The following RND1 variants were observed in gnomAD, a reference collection of about 807,000 sequenced individuals.
The protein encoded by RND1 is Rho family GTPase 1.
In RND1, 9 loss-of-function variants were observed where a neutral mutation model predicts 27.1. That is an observed-to-expected ratio of 0.33 (90% CI 0.20 to 0.58). The LOEUF (loss-of-function observed/expected upper bound fraction) is 0.58, where lower values mean the gene tolerates loss of function less well. RND1 is among the 20% of genes least tolerant of loss of function. RND1 has a pLI of 0.86. For synonymous variants in RND1, 108 were observed against 115.7 expected (o/e 0.93, Z 0.43); for missense variants, 253 against 292.2 (o/e 0.87, Z 0.98).
At position 48,865,785 on chromosome 12, in the gene RND1, G is replaced by A. The variant is rs369042247; in HGVS notation, c.-18C>T. On this transcript the variant is annotated 5_prime_UTR_variant, in exon 1 of 5. Coordinates refer to ENST00000309739, the MANE Select transcript of RND1 (RefSeq NM_014470.4). ...TCCTTCATGGTTGCAGTGTCCGCGG[G>A]ACTTGAACTTCGATTCAGAAGGGAG... The A allele has an allele frequency of 1.9e-6, 3 of 1,571,800 alleles. No homozygotes were observed. The highest frequency in any genetic ancestry group is 2.6e-6 in the Non-Finnish European group (3 of 1,152,958).
At chr12:48,858,409 G>A in intron 4 of RND1, 168 bp from the exon 5 acceptor site, 1 of 624,694 alleles carries the variant, frequency 1.6e-6, no homozygotes, top group African/African-American at 2.0e-5. Context: ...TTTTTTTTTG[G>A]CATACACCCT....
At chr12:48,863,881 C>T (rs763503234) in intron 2 of RND1, among the ~76,000 whole-genome samples, 15 of 151,998 alleles carry the variant, frequency 9.9e-5, no homozygotes, top group Non-Finnish European at 7.4e-5. Flanking sequence ...CTCTTATTCC[C>T]GGCTTTTACT....
chr12:48,865,419 G>T, intron 1 of RND1: 2 of 561,664 alleles, frequency 3.6e-6, no homozygotes, highest in Non-Finnish European at 3.2e-6. Context: ...GGTCCTCTGG[G>T]TGAAGAGGTG....
rs754979945 is a variant in RND1, at chr12:48,865,753, C to T, written c.15G>A (p.Arg5=). 2 of 1,603,558 alleles carry T rather than the reference C, an allele frequency of 1.2e-6. No individual in the cohort carries two copies. The highest frequency in any genetic ancestry group is 1.7e-4 in the Middle Eastern group (1 of 6,014). Residue 5 remains arginine, a synonymous_variant, in exon 1 of 5, where the codon CGG becomes CGA. Coordinates refer to ENST00000309739, the MANE Select transcript of RND1 (RefSeq NM_014470.4). ...ATCTGGCCACGACTGGCTGGGGGGC[C>T]CGTCTCTCCTTCATGGTTGCAGTGT... MKER[R]APQPVVARCK...
intron 2 of RND1, among the ~76,000 whole-genome samples, chr12:48,863,119 G>A (rs890528339): frequency 7.2e-5 from 11 of 152,150 alleles, no homozygotes; most frequent in Non-Finnish European, 1.3e-4. Context: ...TGGGGAAGGG[G>A]GAGGGGAGGA....
In RND1 at chr12:48,862,104, C is replaced by T. The variant is rs1164848675; in HGVS notation, c.223G>A (p.Asp75Asn). The T allele has an allele frequency of 1.9e-6, 3 of 1,609,104 alleles. No homozygotes were observed. Among genetic ancestry groups the T allele is most frequent in the East Asian group, 2.2e-5 (1 of 44,864 alleles). Reference sequence around the variant, plus strand: ...CTGTAGCAGAGTGGACGGACATTATCGTAGTAGGGAGATCCTGGTGTAGGC... The same window carrying T: ...CTGTAGCAGAGTGGACGGACATTATTGTAGTAGGGAGATCCTGGTGTAGGC... ...LWDTSGSPYY[D>N]NVRPLCYSDS... is the part of the protein sequence containing the mutation. The change falls in exon 3 of 5, where the codon GAT becomes AAT. Residue 75 changes from aspartate (D) to asparagine (N), a missense_variant. Asp to Asn is a conservative substitution (Grantham distance 23). Coordinates refer to ENST00000309739, the MANE Select transcript of RND1 (RefSeq NM_014470.4).
Position 48,858,093 on chromosome 12 carries a change from C to G in RND1, c.602G>C (p.Arg201Pro). The G allele has an allele frequency of 6.2e-7, 1 of 1,614,164 alleles. No individual in the cohort carries two copies. The highest frequency in any genetic ancestry group is 1.1e-5 in the South Asian group (1 of 91,070). ...GTGGAGCAGTCGTTTGGAGAGGCTT[C>G]GGACAGGGCTCTTCTGGGGCAGTGG... ...PSPLPQKSPV[R>P]SLSKRLLHLP... The change falls in exon 5 of 5, where the codon CGA becomes CCA. Residue 201 changes from arginine to proline, a missense_variant. Physicochemically the swap from Arg to Pro is moderately radical, Grantham distance 103. Transcript: ENST00000309739.
At position 48,858,217 on chromosome 12, in the gene RND1, C is replaced by T. The variant is rs1319211565; in HGVS notation, c.478G>A (p.Gly160Ser). The T allele has an allele frequency of 1.2e-6, 2 of 1,613,906 alleles. No individual in the cohort carries two copies. The highest frequency in any genetic ancestry group is 8.5e-7 in the Non-Finnish European group (1 of 1,180,014). ...GAGCCTTCCAGGTAGATTTCTGCACCCAGCTGCTTTGCTATTGCACAACCC... is the reference window on the plus strand; with the variant it reads ...GAGCCTTCCAGGTAGATTTCTGCACTCAGCTGCTTTGCTATTGCACAACCC... The part of the protein sequence containing the change: ...EQGCAIAKQL[G>S]AEIYLEGSAF... Residue 160 changes from glycine (G) to serine (S), a missense_variant, in exon 5 of 5, where the codon GGT becomes AGT. Transcript: ENST00000309739.
Position 48,858,057 on chromosome 12 carries a change from C to A in RND1, c.638G>T (p.Arg213Leu). ...GAAGGTAGAAGAGATGAGTTCAGAG[C>A]GACTGGGGAGGTGGAGCAGTCGTTT... The part of the protein sequence containing the change: ...LSKRLLHLPS[R>L]SELISSTFKK... Residue 213 changes from arginine (R) to leucine (L), a missense_variant, in exon 5 of 5, where the codon CGC (arginine) becomes CTC (leucine). Transcript: ENST00000309739. 5 of 1,613,994 alleles carry A rather than the reference C, an allele frequency of 3.1e-6. No homozygotes were observed. Among genetic ancestry groups the A allele is most frequent in the Non-Finnish European group, 4.2e-6 (5 of 1,179,966 alleles).
At chr12:48,862,170 A>T in intron 2 of RND1, 52 bp from the exon 3 acceptor site, 1 of 1,095,330 alleles carries the variant, frequency 9.1e-7, no homozygotes, top group African/African-American at 1.5e-5. Context: ...TTCCTTCCCC[A>T]ATAGGCCTAA....
Position 48,862,053 on chromosome 12 carries a change from A to T in RND1, c.274T>A (p.Phe92Ile), listed in dbSNP as rs574042643. 3 of 1,613,678 alleles carry T rather than the reference A, an allele frequency of 1.9e-6. No individual in the cohort carries two copies. In the African/African-American group the frequency reaches 4.0e-5, roughly 22 times the overall value. ...YSDSDAVLLC[F>I]DISRPETVDS... ...ACTGTCTCTGGACGGCTGATGTCAA[A>T]ACATAGTAATACTGCATCCGAGTCG... is the stretch of plus-strand genomic sequence containing the variant. Residue 92 changes from phenylalanine to isoleucine, a missense_variant, in exon 3 of 5, where the codon TTT becomes ATT. Physicochemically the swap from Phe to Ile is conservative, Grantham distance 21. Transcript: ENST00000309739.
intron 1 of RND1, 95 bp downstream of exon 1, chr12:48,865,553 G>A (rs1938975268): frequency 7.0e-7 from 1 of 1,426,886 alleles, no homozygotes; most frequent in African/African-American, 1.4e-5. Context: ...GATGGGCTGG[G>A]GCTGGGGGAG....
At chr12:48,861,883 G>T in intron 3 of RND1, 126 bp downstream of exon 3, 1 of 699,522 alleles carries the variant, frequency 1.4e-6, no homozygotes, top group Admixed American at 2.2e-5. Context: ...GTGTGGCCTT[G>T]GGCAAATCTC....
chr12:48,861,161 AGAAGGAGGAAG>A, intron 3 of RND1, 30 bp from the exon 4 acceptor site: 1 of 1,580,558 alleles, frequency 6.3e-7, no homozygotes, highest in South Asian at 1.2e-5. Flanking sequence ...GAAGGGTAGG[AGAAGGAGGAAG>A]GAAGGAGAGT....
In RND1 at chr12:48,857,224, C is replaced by G. The variant is rs189172287; in HGVS notation, c.*772G>C. 6.8e-6 allele frequency: 1 copy of G among 146,040 alleles called. No homozygotes were observed. The allele number at this position is 146,040 out of a possible 1,614,324, so 9.0% of individuals were successfully genotyped here. ...AGAACATATAACAGATTGAAACACT[C>G]CCCCCCTCCCCCCAATTCCAAAGAC... On this transcript the variant is annotated 3_prime_UTR_variant, in exon 5 of 5. Transcript: ENST00000309739.
intron 3 of RND1, among the ~76,000 whole-genome samples, chr12:48,861,739 C>T (rs547272263): frequency 9.2e-5 from 14 of 152,300 alleles, no homozygotes; most frequent in African/African-American, 4.8e-5. Context: ...TCTGACTCTC[C>T]GTCCTCTGCT....
At chr12:48,863,175 A>G (rs1938940284) in intron 2 of RND1, among the ~76,000 whole-genome samples, 1 of 152,168 alleles carries the variant, frequency 6.6e-6, no homozygotes, top group African/African-American at 2.4e-5. Context: ...TAAGACTAGC[A>G]AGTAAATAAT....
intron 4 of RND1, among the ~76,000 whole-genome samples, chr12:48,859,976 C>G (rs1938898422): frequency 6.6e-6 from 1 of 152,006 alleles, no homozygotes. Context: ...CGGGGTTTCA[C>G]CACGTTGGCC....
chr12:48,862,106 T>C lies in RND1; in HGVS notation c.221A>G (p.Tyr74Cys). ...SLWDTSGSPYYDNVRPLCYSD... is the reference protein window; with the variant it reads ...SLWDTSGSPYCDNVRPLCYSD... ...GTAGCAGAGTGGACGGACATTATCG[T>C]AGTAGGGAGATCCTGGTGTAGGCCA... The change falls in exon 3 of 5, where the codon TAC (tyrosine) becomes TGC (cysteine). Residue 74 changes from tyrosine (Y) to cysteine (C), a missense_variant. Coordinates refer to ENST00000309739, the MANE Select transcript of RND1 (RefSeq NM_014470.4). 1 of 1,607,412 alleles carries C rather than the reference T, an allele frequency of 6.2e-7. No homozygotes were observed. Among genetic ancestry groups the C allele is most frequent in the Non-Finnish European group, 8.5e-7 (1 of 1,174,306 alleles).
Sources: gnomAD v4.1 joint callset for allele counts (sites outside exome capture counted in the v4.1 genomes callset) on GRCh38, gnomAD v4.1.1 for gene constraint, MANE v1.5 for transcripts, NCBI Gene and HGNC (gene_info 2026-07-23, HGNC 2026-07-21) for gene names.